The following NREP variants were observed in gnomAD, a reference collection of about 807,000 sequenced individuals.
NREP encodes the protein neuronal regeneration-related protein.
Under a neutral mutation model 8.6 loss-of-function variants are expected in NREP, and 5 were observed. That is an observed-to-expected ratio of 0.58 (90% CI 0.30 to 1.22). NREP has a LOEUF of 1.22. NREP is among the 50% of genes most tolerant of loss of function. NREP has a pLI of 0.07. For missense variants in NREP, 86 were observed against 82.5 expected (o/e 1.04, Z -0.17); for synonymous variants, 27 against 28.0 (o/e 0.96, Z 0.11).
chr5:111,898,204 T>G (rs1296264119), intron 2 of NREP, among the ~76,000 whole-genome samples: 1 of 152,028 alleles, frequency 6.6e-6, no homozygotes, highest in Non-Finnish European at 1.5e-5. Flanking sequence ...AGAACAGCTA[T>G]AAAGAGGAAA....
chr5:111,896,691 G>T (rs929692899), intron 2 of NREP, among the ~76,000 whole-genome samples: 2 of 152,114 alleles, frequency 1.3e-5, no homozygotes, highest in Non-Finnish European at 2.9e-5. Flanking sequence ...ATAAAGATCA[G>T]CCTCGTTTAC....
intron 2 of NREP, among the ~76,000 whole-genome samples, chr5:111,737,697 T>C (rs1749252476): frequency 6.9e-6 from 1 of 144,424 alleles, no homozygotes; most frequent in Non-Finnish European, 1.5e-5. Context: ...TCTGTTGTTC[T>C]AAGAACTCTC....
intron 2 of NREP, among the ~76,000 whole-genome samples, chr5:111,813,851 G>C (rs1385554534): frequency 6.6e-6 from 1 of 152,040 alleles, no homozygotes; most frequent in Non-Finnish European, 1.5e-5. Flanking sequence ...AGCATGGAAA[G>C]TGCTATTTCT....
chr5:111,861,536 C>T (rs1274224639), intron 2 of NREP, among the ~76,000 whole-genome samples: 2 of 152,138 alleles, frequency 1.3e-5, no homozygotes, highest in Non-Finnish European at 2.9e-5. Context: ...TATCAATTAT[C>T]ACTTTGCATC....
intron 2 of NREP, among the ~76,000 whole-genome samples, chr5:111,937,883 C>G (rs929187387): frequency 3.3e-5 from 5 of 152,070 alleles, no homozygotes; most frequent in African/African-American, 1.2e-4. Flanking sequence ...TCACCTGATT[C>G]AAAGTTAGGT....
At chr5:111,842,305 C>G (rs563174235) in intron 2 of NREP, among the ~76,000 whole-genome samples, 1 of 152,212 alleles carries the variant, frequency 6.6e-6, no homozygotes, top group East Asian at 1.9e-4. Context: ...TAGTTTGTAA[C>G]TACATTCCTT....
At chr5:111,848,875 G>T (rs1753243369) in intron 2 of NREP, among the ~76,000 whole-genome samples, 1 of 152,124 alleles carries the variant, frequency 6.6e-6, no homozygotes, top group South Asian at 2.1e-4. Flanking sequence ...CAGTGAATGG[G>T]CAGGAAATTT....
intron 2 of NREP, among the ~76,000 whole-genome samples, chr5:111,742,242 T>A (rs1749729622): frequency 6.6e-6 from 1 of 152,130 alleles, no homozygotes; most frequent in Admixed American, 6.6e-5. Flanking sequence ...TTCTTGATCT[T>A]ATGAGTTGGG....
intron 2 of NREP, among the ~76,000 whole-genome samples, chr5:111,799,863 T>C (rs931690403): frequency 6.6e-6 from 1 of 152,212 alleles, no homozygotes; most frequent in Non-Finnish European, 1.5e-5. Context: ...AGTGAAAGAA[T>C]GTTGCCTTTT....
intron 2 of NREP, among the ~76,000 whole-genome samples, chr5:111,743,056 T>C (rs553178219): frequency 9.8e-4 from 149 of 152,254 alleles, no homozygotes; most frequent in African/African-American, 3.4e-3. Flanking sequence ...AAAGTACAAA[T>C]GGCTGGTAAC....
rs1749559478 is a variant in NREP at position 111,740,554 on chromosome 5, A to G, written c.4-5047T>C. ...TTAAAGTCTATAAAGTAATTAGCTC[A>G]CCGGTAATTATTGCTTAGTATAAAC... On this transcript the variant is annotated intron_variant, in intron 2 of 3. Transcript: ENST00000257435. 2.0e-5 allele frequency among the ~76,000 whole-genome samples: 3 copies of G among 152,080 alleles called. No individual in the cohort carries two copies. The South Asian group carries it at 6.2e-4, about 31-fold the overall frequency.
At chr5:111,734,984 G>T in intron 3 of NREP, 2 of 390,628 alleles carry the variant, frequency 5.1e-6, no homozygotes, top group Non-Finnish European at 9.1e-6. Flanking sequence ...ATGGTTTTTA[G>T]GCTCAAAAAT....
chr5:111,825,571 G>A (rs1752603360), intron 2 of NREP, among the ~76,000 whole-genome samples: 1 of 152,166 alleles, frequency 6.6e-6, no homozygotes, highest in Non-Finnish European at 1.5e-5. Context: ...GAAACAGAAA[G>A]GATTTTTGGT....
intron 2 of NREP, among the ~76,000 whole-genome samples, chr5:111,907,895 T>C (rs1314874997): frequency 6.6e-6 from 1 of 152,092 alleles, no homozygotes; most frequent in African/African-American, 2.4e-5. Flanking sequence ...CTATTTTTTT[T>C]ATATCCCTGT....
chr5:111,936,720 CAG>C (rs1755693632), intron 2 of NREP, among the ~76,000 whole-genome samples: 2 of 152,238 alleles, frequency 1.3e-5, no homozygotes, highest in Admixed American at 6.5e-5. Context: ...TGATTCCCTA[CAG>C]AGAGAACAGA....
chr5:111,912,074 T>C (rs549534677), intron 2 of NREP, among the ~76,000 whole-genome samples: 2 of 152,274 alleles, frequency 1.3e-5, no homozygotes, highest in South Asian at 2.1e-4. Flanking sequence ...CCAGCTTCTC[T>C]TGAATTGCAA....
At chr5:111,963,732 G>A (rs1756546085) in intron 2 of NREP, among the ~76,000 whole-genome samples, 1 of 152,210 alleles carries the variant, frequency 6.6e-6, no homozygotes, top group African/African-American at 2.4e-5. Context: ...GAAAGTTACA[G>A]CAAGAAGGGA....
chr5:111,747,053 T>C (rs1045325291), intron 2 of NREP, among the ~76,000 whole-genome samples: 3 of 152,142 alleles, frequency 2.0e-5, no homozygotes, highest in Non-Finnish European at 4.4e-5. Flanking sequence ...TTTGACATCA[T>C]GGTCCCAATG....
chr5:111,772,700 GA>G (rs1751259960), intron 2 of NREP, among the ~76,000 whole-genome samples: 2 of 151,518 alleles, frequency 1.3e-5, no homozygotes, highest in African/African-American at 4.8e-5. Flanking sequence ...CACAGCCTTC[GA>G]CCCGGGAAAG....
Sources: allele counts gnomAD v4.1 joint callset (sites outside exome capture counted in the v4.1 genomes callset), GRCh38; gene constraint gnomAD v4.1.1; transcripts MANE v1.5; gene names NCBI Gene and HGNC (gene_info 2026-07-23, HGNC 2026-07-21).